SLC66A2: variants seen among roughly 807,000 people sequenced by gnomAD.
The protein encoded by SLC66A2 is PQ loop repeat containing 1.
In SLC66A2, 23 loss-of-function variants were observed where a neutral mutation model predicts 25.5. The ratio of observed to expected loss-of-function variants is 0.90; its 90% CI spans 0.65 to 1.28. The LOEUF is 1.28. Among genes scored for constraint, SLC66A2 ranks in the 50% most tolerant of loss-of-function variants. The pLI is 0.00. For missense variants in SLC66A2, 396 were observed against 373.1 expected (o/e 1.06, Z -0.51); for synonymous variants, 193 against 166.5 (o/e 1.16, Z -1.23).
At chr18:79,908,658 T>G (rs1032707893) in intron 5 of SLC66A2, among the ~76,000 whole-genome samples, 1 of 152,206 alleles carries the variant, frequency 6.6e-6, no homozygotes, top group African/African-American at 2.4e-5. Context: ...TTAGACCCTT[T>G]GGAATTTGTC....
At chr18:79,944,746 A>G (rs756260109) in intron 2 of SLC66A2, 1 of 152,572 alleles carries the variant, frequency 6.6e-6, no homozygotes, top group Non-Finnish European at 1.5e-5. Flanking sequence ...CCTACATAAC[A>G]GCCTCATTTC....
intron 5 of SLC66A2, among the ~76,000 whole-genome samples, chr18:79,906,725 G>A (rs1982178074): frequency 6.6e-6 from 1 of 152,174 alleles, no homozygotes; most frequent in Non-Finnish European, 1.5e-5. Context: ...CTACATCCTT[G>A]CTAACTTTGT....
At chr18:79,946,521 G>A (rs1165094407) in intron 2 of SLC66A2, among the ~76,000 whole-genome samples, 6 of 152,236 alleles carry the variant, frequency 3.9e-5, no homozygotes, top group Non-Finnish European at 8.8e-5. Context: ...GCAGGAGCCT[G>A]CTCCTCGGGA....
chr18:79,907,334 G>GTTTTTTTTTTTTTTTTTGGTTTTTTTT (rs57635823), intron 5 of SLC66A2, among the ~76,000 whole-genome samples: 1 of 116,896 alleles, frequency 8.6e-6, no homozygotes, highest in Non-Finnish European at 1.7e-5. Flanking sequence ...TCTTTGTATA[G>GTTTTTTTTTTTTTTTTTGGTTTTTTTT]TTTTTTTTTT....
intron 4 of SLC66A2, among the ~76,000 whole-genome samples, chr18:79,921,992 G>T (rs577244886): frequency 2.0e-5 from 3 of 152,064 alleles, no homozygotes; most frequent in African/African-American, 7.2e-5. Context: ...AGAGGGCAGG[G>T]TCAGAGGAGG....
intron 4 of SLC66A2, among the ~76,000 whole-genome samples, chr18:79,926,785 C>T (rs534049279): frequency 6.6e-6 from 1 of 152,114 alleles, no homozygotes; most frequent in African/African-American, 2.4e-5. Context: ...GGGGTACAGA[C>T]GGTGCAGCTG....
At chr18:79,916,957 G>A (rs1984254757) in intron 5 of SLC66A2, among the ~76,000 whole-genome samples, 1 of 152,278 alleles carries the variant, frequency 6.6e-6, no homozygotes, top group African/African-American at 2.4e-5. Flanking sequence ...CTCTGGGTCA[G>A]GACAACCGGC....
chr18:79,914,224 T>G (rs1216774458), intron 5 of SLC66A2, among the ~76,000 whole-genome samples: 2 of 152,170 alleles, frequency 1.3e-5, no homozygotes, highest in African/African-American at 4.8e-5. Flanking sequence ...GTTTTTTGGG[T>G]ATCTGTTAAG....
intron 5 of SLC66A2, among the ~76,000 whole-genome samples, chr18:79,905,050 T>C (rs948131406): frequency 6.6e-6 from 1 of 152,136 alleles, no homozygotes; most frequent in Non-Finnish European, 1.5e-5. Context: ...GGCACAGCCA[T>C]GGCCGGGTGT....
chr18:79,910,559 C>T (rs992539091), intron 5 of SLC66A2, among the ~76,000 whole-genome samples: 2 of 152,116 alleles, frequency 1.3e-5, no homozygotes, highest in African/African-American at 2.4e-5. Context: ...GCATTTTTTT[C>T]GCATCACACA....
In SLC66A2 at chr18:79,927,121, T is replaced by C. The variant is rs1225809973; in HGVS notation, c.391+6848A>G. On this transcript the variant is annotated intron_variant, in intron 4 of 5. Coordinates refer to ENST00000397778, the MANE Select transcript of SLC66A2 (RefSeq NM_025078.5). The surrounding 1 kb of genome is among the most constrained non-coding windows in gnomAD (Gnocchi z 6.2). ...TGCCCTTCAGGGCAGGTCCCAGCCC[T>C]ACCTGCTGCGTCTGCTTCTCCACCC... Among the ~76,000 whole-genome samples the C allele has an allele frequency of 1.3e-5, 2 of 152,216 alleles. No homozygotes were observed. The highest frequency in any genetic ancestry group is 1.5e-5 in the Non-Finnish European group (1 of 68,024).
intron 5 of SLC66A2, among the ~76,000 whole-genome samples, chr18:79,914,790 AGCCG>A (rs927775378): frequency 8.5e-5 from 13 of 152,200 alleles, no homozygotes; most frequent in African/African-American, 3.1e-4. Flanking sequence ...GCGCAAGTGG[AGCCG>A]GCTCCAGACT....
At position 79,950,690 on chromosome 18, in the gene SLC66A2, G is replaced by C; in HGVS notation, c.203+34C>G. ...CCCCAAAGGAGAAACCCTCTTCTCCGGGTGCAGCCCAGGAAAGCAAGCCCC... is the reference window on the plus strand; with the variant it reads ...CCCCAAAGGAGAAACCCTCTTCTCCCGGTGCAGCCCAGGAAAGCAAGCCCC... On this transcript the variant is annotated intron_variant, in intron 2 of 5. Transcript: ENST00000397778. The C allele has an allele frequency of 1.9e-6, 3 of 1,606,414 alleles. No homozygotes were observed. The East Asian group carries it at 6.7e-5, about 36-fold the overall frequency.
rs779001613 is a variant in SLC66A2 at position 79,943,330 on chromosome 18, T to C, written c.336A>G (p.Thr112=). 6 of 1,609,796 alleles carry C rather than the reference T, an allele frequency of 3.7e-6. No homozygotes were observed. The highest frequency in any genetic ancestry group is 5.1e-6 in the Non-Finnish European group (6 of 1,177,634). The change falls in exon 3 of 6, where the codon ACA becomes ACG. Residue 112 remains threonine (T), a splice_region_variant and synonymous_variant. Transcript: ENST00000397778. ...TATTCCGAAGCGCCGGCCACCAACC[T>C]GTAAAGGAGCGGCGCCTGGCGTTGA... The part of the protein sequence containing the change: ...NELNARRRSF[T]AADSKDEEVK...
chr18:79,905,834 T>G (rs1328468082), intron 5 of SLC66A2, among the ~76,000 whole-genome samples: 1 of 152,250 alleles, frequency 6.6e-6, no homozygotes, highest in Non-Finnish European at 1.5e-5. Flanking sequence ...CACTTGAGTT[T>G]CAACACTTTG....
intron 5 of SLC66A2, among the ~76,000 whole-genome samples, chr18:79,910,262 TCA>T (rs1229384657): frequency 3.1e-5 from 4 of 127,118 alleles, no homozygotes; most frequent in Non-Finnish European, 6.5e-5. Context: ...CCCCACCATC[TCA>T]CACCAGAGTC....
At chr18:79,948,548 G>A (rs761030745) in intron 2 of SLC66A2, among the ~76,000 whole-genome samples, 8 of 152,066 alleles carry the variant, frequency 5.3e-5, no homozygotes, top group African/African-American at 1.2e-4. Context: ...GCTGTGTTGC[G>A]TTGGTTGGTC....
chr18:79,948,589 C>T (rs186346755), intron 2 of SLC66A2, among the ~76,000 whole-genome samples: 2 of 152,146 alleles, frequency 1.3e-5, no homozygotes, highest in Non-Finnish European at 2.9e-5. Context: ...GATCCTCCCA[C>T]CCCGGCCTCC....
At position 79,938,023 on chromosome 18, in the gene SLC66A2, C is replaced by T. The variant is rs1987274412; in HGVS notation, c.338-4001G>A. Among the ~76,000 whole-genome samples, 6 of 152,164 alleles carry T rather than the reference C, an allele frequency of 3.9e-5. No individual in the cohort carries two copies. In the South Asian group the frequency reaches 1.2e-3, roughly 32 times the overall value. On this transcript the variant is annotated intron_variant, in intron 3 of 5. Coordinates refer to ENST00000397778, the MANE Select transcript of SLC66A2 (RefSeq NM_025078.5). ...AGACACAGGGGCTCACACCTGTAAT[C>T]CCAACGCTTTGGGAGGCTGAGGTGG...
Sources: gnomAD v4.1 joint callset for allele counts (sites outside exome capture counted in the v4.1 genomes callset) on GRCh38, gnomAD v4.1.1 for gene constraint, Gnocchi (gnomAD v3.1) non-coding constraint, MANE v1.5 for transcripts, NCBI Gene and HGNC (gene_info 2026-07-23, HGNC 2026-07-21) for gene names.